Variants in SLC2A1 observed in about 807,000 individuals in gnomAD.
SLC2A1 encodes solute carrier family 2 member 1, also known as solute carrier family 2, facilitated glucose transporter member 1.
A neutral mutation model predicts 46.6 loss-of-function variants in SLC2A1; 4 were observed. That is an observed-to-expected ratio of 0.09 (90% CI 0.04 to 0.20). The LOEUF (loss-of-function observed/expected upper bound fraction) is 0.20. Ranked by LOEUF, SLC2A1 falls within the 10% of genes least tolerant of loss-of-function variation. The pLI is 1.00. For missense variants in SLC2A1, 352 were observed against 667.0 expected, an observed-to-expected ratio of 0.53 and a Z score of 5.20; for synonymous variants, 253 against 270.0, an observed-to-expected ratio of 0.94 and a Z score of 0.62.
chr1:42,936,122 A>G (rs953303585), intron 2 of SLC2A1, among the ~76,000 whole-genome samples: 14 of 151,998 alleles, frequency 9.2e-5, no homozygotes, highest in Non-Finnish European at 2.1e-4. Context: ...CCCTCTAGAC[A>G]TTCCTTTACC....
At chr1:42,950,875 T>C (rs1393551196) in intron 1 of SLC2A1, among the ~76,000 whole-genome samples, 1 of 152,116 alleles carries the variant, frequency 6.6e-6, no homozygotes, top group Non-Finnish European at 1.5e-5. Context: ...CTCGGGAGGC[T>C]GAGGCAGGAG....
chr1:42,950,335 A>C (rs577174913), intron 1 of SLC2A1, among the ~76,000 whole-genome samples: 1 of 152,368 alleles, frequency 6.6e-6, no homozygotes, highest in South Asian at 2.1e-4. Context: ...CTTTAGAAAA[A>C]AGTTGATCGG....
chr1:42,939,155 C>T (rs928901564), intron 2 of SLC2A1, among the ~76,000 whole-genome samples: 16 of 152,248 alleles, frequency 1.1e-4, no homozygotes, highest in South Asian at 2.1e-4. Context: ...TCAGCCTACG[C>T]GGGCACAGGA....
intron 2 of SLC2A1, among the ~76,000 whole-genome samples, chr1:42,942,200 G>T (rs1221987815): frequency 6.6e-6 from 1 of 152,226 alleles, no homozygotes; most frequent in Non-Finnish European, 1.5e-5. Flanking sequence ...TGGTTAGGAA[G>T]ACAACCTGAG....
At chr1:42,952,672 G>A (rs1442095908) in intron 1 of SLC2A1, 2 of 217,388 alleles carry the variant, frequency 9.2e-6, no homozygotes, top group African/African-American at 4.6e-5. Context: ...CCACACCCAA[G>A]TTATCACACG....
rs552037169 is a variant in SLC2A1, at chr1:42,932,613, C to T, written c.115-1407G>A. Among the ~76,000 whole-genome samples the T allele has an allele frequency of 7.4e-4, 112 of 152,264 alleles. 1 individual carries two copies. Among genetic ancestry groups the T allele is most frequent in the South Asian group, 4.6e-3 (22 of 4,816 alleles). ...ATGCCACAGGTTCATGCACACACAG[C>T]GGTATGCAGCCTCTGCAGCCTCCAT... is the stretch of plus-strand genomic sequence containing the variant. On this transcript the variant is annotated intron_variant, in intron 2 of 9. Transcript: ENST00000426263.
At position 42,927,656 on chromosome 1, in the gene SLC2A1, G is replaced by A. The variant is rs915920914; in HGVS notation, c.1227C>T (p.Phe409=). The change falls in exon 9 of 10, where the codon TTC becomes TTT. Residue 409 remains phenylalanine, a synonymous_variant. Transcript: ENST00000426263. The surrounding 1 kb of genome is among the most constrained non-coding windows in gnomAD (Gnocchi z 5.3). The stretch of plus-strand genomic sequence containing the variant: ...CAATGAAATTTGAGGTCCAGTTGGA[G>A]AAGCCTGCAACGGCAATGGCAGCTG... ...PRPAAIAVAG[F]SNWTSNFIVG... 2.5e-6 allele frequency: 4 copies of A among 1,614,202 alleles called. No homozygotes were observed. Among genetic ancestry groups the A allele is most frequent in the African/African-American group, 1.3e-5 (1 of 75,038 alleles).
At chr1:42,940,767 A>G (rs920700919) in intron 2 of SLC2A1, among the ~76,000 whole-genome samples, 6 of 152,004 alleles carry the variant, frequency 3.9e-5, no homozygotes, top group Non-Finnish European at 8.8e-5. Flanking sequence ...TTCTCTTTTT[A>G]TTCCACAGTC....
At position 42,958,723 on chromosome 1, in the gene SLC2A1, C is replaced by A; in HGVS notation, c.-72G>T. ...CGACGGGCGTGCGAGCGGCGCTCTC[C>A]CGCTCAGGCTCGTGCTCCGGTCCGG... On this transcript the variant is annotated 5_prime_UTR_variant, in exon 1 of 10. Transcript: ENST00000426263. 1 of 1,480,564 alleles carries A rather than the reference C, an allele frequency of 6.8e-7. No homozygotes were observed. Among genetic ancestry groups the A allele is most frequent in the Non-Finnish European group, 9.1e-7 (1 of 1,098,932 alleles). The allele number at this position is 1,480,564 out of a possible 1,614,324, so 91.7% of individuals were successfully genotyped here. A position where few individuals can be genotyped will look rare whatever the true frequency, so the allele number is the denominator to read the frequency against.
At position 42,930,629 on chromosome 1, in the gene SLC2A1, G is replaced by C. The variant is rs1643478456; in HGVS notation, c.513C>G (p.Ala171=). ...QLGIVVGILI[A]QVFGLDSIMG... is the part of the protein sequence containing the mutation. ...GGTAGATCCTGCCCCAGCTTACCTG[G>C]GCGATGAGGATGCCGACGACGATGC... is the stretch of plus-strand genomic sequence containing the variant. The change falls in exon 4 of 10, where the codon GCC becomes GCG. Residue 171 remains alanine, a synonymous_variant. Transcript: ENST00000426263. The surrounding 1 kb of genome is among the most constrained non-coding windows in gnomAD (Gnocchi z 6.2). 6.2e-7 allele frequency: 1 copy of C among 1,612,328 alleles called. No individual in the cohort carries two copies. The highest frequency in any genetic ancestry group is 1.7e-5 in the Admixed American group (1 of 59,834).
chr1:42,949,919 T>C (rs1158589035), intron 1 of SLC2A1, among the ~76,000 whole-genome samples: 1 of 152,178 alleles, frequency 6.6e-6, no homozygotes, highest in African/African-American at 2.4e-5. Flanking sequence ...TACTGGTCCC[T>C]GAAGGAAACA....
chr1:42,931,311 T>G, intron 2 of SLC2A1, 105 bp from the exon 3 acceptor site: 1 of 1,144,100 alleles, frequency 8.7e-7, no homozygotes, highest in Admixed American at 2.6e-5. Flanking sequence ...AGGGCCTGGC[T>G]CTGCCACAGA....
At chr1:42,947,928 AGAGG>A (rs1643676290) in intron 1 of SLC2A1, among the ~76,000 whole-genome samples, 1 of 152,200 alleles carries the variant, frequency 6.6e-6, no homozygotes, top group Non-Finnish European at 1.5e-5. Flanking sequence ...CAGAGCTCTG[AGAGG>A]TAAATACAGC....
chr1:42,958,405 C>A (rs1437882626), intron 1 of SLC2A1, among the ~76,000 whole-genome samples: 1 of 150,662 alleles, frequency 6.6e-6, no homozygotes, highest in Non-Finnish European at 1.5e-5. Flanking sequence ...GCGCCAACTA[C>A]GCACGCGGCG....
chr1:42,946,053 G>T (rs372554304), intron 1 of SLC2A1, among the ~76,000 whole-genome samples: 9 of 152,304 alleles, frequency 5.9e-5, no homozygotes, highest in African/African-American at 1.4e-4. Flanking sequence ...GCTATGTGAG[G>T]TAAGTGCTAT....
rs1553155901 is a variant in SLC2A1, at chr1:42,927,811, GT to G, written c.1075-4del. 1 of 1,610,658 alleles carries G rather than the reference GT, an allele frequency of 6.2e-7. No homozygotes were observed. Among genetic ancestry groups the G allele is most frequent in the Non-Finnish European group, 8.5e-7 (1 of 1,178,064 alleles). On this transcript the variant is annotated splice_polypyrimidine_tract_variant and splice_region_variant and intron_variant, in intron 8 of 9. Transcript: ENST00000426263. The surrounding 1 kb of genome is among the most constrained non-coding windows in gnomAD (Gnocchi z 5.3). The stretch of plus-strand genomic sequence containing the variant: ...TAGGACATCCAGGGTAGCTGCTCCT[GT>G]TGAGGATGACGGAGAGGGGGAAAAG...
At chr1:42,937,267 G>A (rs565773125) in intron 2 of SLC2A1, among the ~76,000 whole-genome samples, 6 of 152,242 alleles carry the variant, frequency 3.9e-5, no homozygotes, top group African/African-American at 7.2e-5. Context: ...TGCCCAGCAC[G>A]GTGGTGGAGG....
chr1:42,938,700 A>G (rs1016786005), intron 2 of SLC2A1, among the ~76,000 whole-genome samples: 2 of 152,352 alleles, frequency 1.3e-5, no homozygotes, highest in Admixed American at 1.3e-4. Context: ...ATTCCGCATC[A>G]GCAGAACATT....
chr1:42,932,807 T>G (rs2124452534), intron 2 of SLC2A1, among the ~76,000 whole-genome samples: 1 of 152,316 alleles, frequency 6.6e-6, no homozygotes, highest in Middle Eastern at 3.4e-3. Flanking sequence ...CTGTGGGTGC[T>G]CAGCCTCTAG....
Sources: allele counts gnomAD v4.1 joint callset (sites outside exome capture counted in the v4.1 genomes callset), GRCh38; gene constraint gnomAD v4.1.1; non-coding constraint Gnocchi (gnomAD v3.1); transcripts MANE v1.5; gene names NCBI Gene and HGNC (gene_info 2026-07-23, HGNC 2026-07-21).